BTBD16: variants seen among roughly 807,000 people sequenced by gnomAD.
The protein encoded by BTBD16 is BTB domain containing 16, also known as BTB/POZ domain-containing protein 16.
Under a neutral mutation model 67.4 loss-of-function variants are expected in BTBD16, and 66 were observed. The observed-to-expected ratio is 0.98, with a 90% CI of 0.80 to 1.20. BTBD16 has a LOEUF of 1.20. BTBD16 is among the 50% of genes most tolerant of loss of function. The pLI is 0.00. For synonymous variants in BTBD16, 242 were observed against 236.4 expected, an observed-to-expected ratio of 1.02 and a Z score of -0.22; for missense variants, 634 against 616.0, an observed-to-expected ratio of 1.03 and a Z score of -0.31.
intron 12 of BTBD16, chr10:122,332,118 G>C (rs937709314): frequency 8.7e-6 from 2 of 229,068 alleles, no homozygotes; most frequent in East Asian, 2.1e-4. Flanking sequence ...CCTCCCATGA[G>C]GGGCCTTGCT....
chr10:122,310,092 C>T (rs2096411149), intron 10 of BTBD16, among the ~76,000 whole-genome samples: 1 of 152,152 alleles, frequency 6.6e-6, no homozygotes, highest in Admixed American at 6.5e-5. Flanking sequence ...TAGCTCAGTT[C>T]TTCTCACAGA....
At chr10:122,284,033 G>A (rs2096358447) in intron 4 of BTBD16, 109 bp downstream of exon 4, 2 of 780,904 alleles carry the variant, frequency 2.6e-6, no homozygotes, top group East Asian at 2.5e-5. Flanking sequence ...TAGTGTATAA[G>A]TTGCAATTCT....
At chr10:122,295,459 G>A (rs1469828378) in intron 7 of BTBD16, 3 of 985,348 alleles carry the variant, frequency 3.0e-6, no homozygotes, top group Non-Finnish European at 3.6e-6. Context: ...AGTCAGCAGA[G>A]CAGGAAGCCT....
chr10:122,333,916 A>G (rs535143090), intron 13 of BTBD16, among the ~76,000 whole-genome samples: 15 of 152,312 alleles, frequency 9.8e-5, no homozygotes, highest in Admixed American at 9.8e-4. Flanking sequence ...TTCTTGCATG[A>G]TTATTGAAAG....
chr10:122,295,914 G>C (rs1174998903), intron 7 of BTBD16, among the ~76,000 whole-genome samples: 1 of 151,982 alleles, frequency 6.6e-6, no homozygotes, highest in Non-Finnish European at 1.5e-5. Context: ...TAAAGGCTTT[G>C]AGTGGCTTCC....
intron 10 of BTBD16, 26 bp downstream of exon 10, chr10:122,307,334 G>T: frequency 6.4e-7 from 1 of 1,574,656 alleles, no homozygotes; most frequent in Non-Finnish European, 8.6e-7. Flanking sequence ...GTTGATTGAT[G>T]AAATACACAA....
chr10:122,334,964 T>C lies in BTBD16; in HGVS notation c.1248T>C (p.Tyr416=), dbSNP rs892877663. 9.2e-6 allele frequency: 14 copies of C among 1,516,912 alleles called. No individual in the cohort carries two copies. The highest frequency in any genetic ancestry group is 2.3e-5 in the East Asian group (1 of 44,002). The allele number at this position is 1,516,912 out of a possible 1,614,324, so 94.0% of individuals were successfully genotyped here. A position where few individuals can be genotyped will look rare whatever the true frequency, so the allele number is the denominator to read the frequency against. ...GACTCAAACATGATACTACCTCTTA[T>C]AGTTTTTACATGCAGGTAAGGATAG... ...IKGLKHDTTS[Y]SFYMQRIKHT... Residue 416 remains tyrosine (Y), a synonymous_variant, in exon 14 of 16, where the codon TAT becomes TAC. Coordinates refer to ENST00000260723, the MANE Select transcript of BTBD16 (RefSeq NM_144587.5).
intron 10 of BTBD16, among the ~76,000 whole-genome samples, chr10:122,319,045 G>C (rs1402580740): frequency 6.6e-6 from 1 of 152,146 alleles, no homozygotes; most frequent in East Asian, 1.9e-4. Context: ...TGAAAAGTCT[G>C]TTCAAACCTT....
chr10:122,304,860 ATT>A (rs955884604), intron 9 of BTBD16, among the ~76,000 whole-genome samples: 124 of 152,124 alleles, frequency 8.2e-4, no homozygotes, highest in African/African-American at 2.8e-3. Context: ...GCCAGCAGCT[ATT>A]CTTTGGCAAT....
chr10:122,287,378 G>C, intron 5 of BTBD16: 1 of 960,868 alleles, frequency 1.0e-6, no homozygotes, highest in Non-Finnish European at 1.2e-6. Context: ...TTAACGTTAC[G>C]GTCTTTAACA....
In BTBD16 at chr10:122,283,764, G is replaced by T. The variant is rs998248155; in HGVS notation, c.168-87G>T. 12 of 1,013,148 alleles carry T rather than the reference G, an allele frequency of 1.2e-5. No homozygotes were observed. The African/African-American group carries it at 1.4e-4, about 12-fold the overall frequency. 62.8% of individuals were successfully genotyped at this position (1,013,148 alleles called of 1,614,324 possible). A position where few individuals can be genotyped will look rare whatever the true frequency, so the allele number is the denominator to read the frequency against. ...TAGCTTGATCAATGGGTGCTTTAAG[G>T]ACATTTATGCTAGAATAATGCATGT... On this transcript the variant is annotated intron_variant, in intron 3 of 15. Transcript: ENST00000260723.
intron 3 of BTBD16, among the ~76,000 whole-genome samples, chr10:122,281,940 A>C (rs2142051853): frequency 6.6e-6 from 1 of 152,304 alleles, no homozygotes; most frequent in South Asian, 2.1e-4. Flanking sequence ...CAAGCATTGC[A>C]ATGGGACCAC....
intron 10 of BTBD16, among the ~76,000 whole-genome samples, chr10:122,325,829 C>A (rs769460292): frequency 6.6e-5 from 10 of 152,058 alleles, no homozygotes; most frequent in Non-Finnish European, 1.2e-4. Flanking sequence ...GCACCCACCA[C>A]CATGCCTGGC....
At position 122,331,235 on chromosome 10, in the gene BTBD16, G is replaced by A. The variant is rs1307911969; in HGVS notation, c.1063G>A (p.Val355Ile). The A allele has an allele frequency of 1.2e-6, 2 of 1,613,944 alleles. No homozygotes were observed. The highest frequency in any genetic ancestry group is 1.7e-5 in the Admixed American group (1 of 59,990). The change falls in exon 12 of 16, where the codon GTT becomes ATT. Residue 355 changes from valine (V) to isoleucine (I), a missense_variant. Val to Ile is a conservative substitution (Grantham distance 29). Coordinates refer to ENST00000260723, the MANE Select transcript of BTBD16 (RefSeq NM_144587.5). ...NFFPESWLDQ[V>I]TVNHYHALEN... ...CTTCCCAGAGTCATGGCTCGACCAGGTTACAGTCAACCATTACCACGCAGT... is the reference window on the plus strand; with the variant it reads ...CTTCCCAGAGTCATGGCTCGACCAGATTACAGTCAACCATTACCACGCAGT...
At chr10:122,284,831 A>C (rs893961004) in intron 4 of BTBD16, among the ~76,000 whole-genome samples, 4 of 152,100 alleles carry the variant, frequency 2.6e-5, no homozygotes, top group African/African-American at 9.7e-5. Flanking sequence ...CTGGCATGAG[A>C]GAAAGAGCTC....
chr10:122,337,050 C>T (rs899604229), intron 15 of BTBD16, among the ~76,000 whole-genome samples: 18 of 152,182 alleles, frequency 1.2e-4, no homozygotes, highest in African/African-American at 4.3e-4. Flanking sequence ...AATCCACAGC[C>T]CAGACCCACC....
chr10:122,289,347 C>T (rs1223866199), intron 5 of BTBD16, among the ~76,000 whole-genome samples: 2 of 152,106 alleles, frequency 1.3e-5, no homozygotes, highest in African/African-American at 4.8e-5. Context: ...TATGTAGGAT[C>T]GTTGGGGGAA....
At chr10:122,307,369 C>T in intron 10 of BTBD16, 61 bp downstream of exon 10, 1 of 1,455,978 alleles carries the variant, frequency 6.9e-7, no homozygotes, top group Non-Finnish European at 9.2e-7. Flanking sequence ...AAACACTGCT[C>T]ATAATATCAC....
At chr10:122,279,864 C>G (rs1201563683) in intron 3 of BTBD16, among the ~76,000 whole-genome samples, 1 of 152,174 alleles carries the variant, frequency 6.6e-6, no homozygotes, top group African/African-American at 2.4e-5. Context: ...CTGGACCAGT[C>G]TATTTCTTGA....
Sources: gnomAD v4.1 joint callset for allele counts (sites outside exome capture counted in the v4.1 genomes callset) on GRCh38, gnomAD v4.1.1 for gene constraint, MANE v1.5 for transcripts, NCBI Gene and HGNC (gene_info 2026-07-23, HGNC 2026-07-21) for gene names.